The following NBEAL1 variants were observed in gnomAD, a reference collection of about 807,000 sequenced individuals.
NBEAL1 encodes neurobeachin-like protein 1.
Under a neutral mutation model 351.3 loss-of-function variants are expected in NBEAL1, and 273 were observed. The ratio of observed to expected loss-of-function variants is 0.78; its 90% CI spans 0.70 to 0.86. The LOEUF (loss-of-function observed/expected upper bound fraction) is 0.86, where lower values mean the gene tolerates loss of function less well. Among genes scored for constraint, NBEAL1 ranks in the 40% least tolerant of loss-of-function variants. The probability of loss-of-function intolerance (pLI) is 0.00; values close to 1 mark genes in which losing one functional copy is unlikely to be tolerated. For synonymous variants in NBEAL1, 1,050 were observed against 1,086.4 expected, an observed-to-expected ratio of 0.97 and a Z score of 0.66; for missense variants, 2,961 against 3,201.3, an observed-to-expected ratio of 0.92 and a Z score of 1.81.
Position 203,136,595 on chromosome 2 carries a change from A to T in NBEAL1, c.4390-4A>T. 6.3e-7 allele frequency: 1 copy of T among 1,596,978 alleles called. No homozygotes were observed. Among genetic ancestry groups the T allele is most frequent in the Non-Finnish European group, 8.6e-7 (1 of 1,168,314 alleles). ...TATTTAAAATTACTTTATATTTTCCATAGAGATGTGAGGAGGAGCTTCTTC... is the reference window on the plus strand; with the variant it reads ...TATTTAAAATTACTTTATATTTTCCTTAGAGATGTGAGGAGGAGCTTCTTC... On this transcript the variant is annotated splice_polypyrimidine_tract_variant and splice_region_variant and intron_variant, in intron 28 of 55. Transcript: ENST00000683969.
chr2:203,108,310 T>C, intron 14 of NBEAL1, 122 bp downstream of exon 14: 1 of 733,092 alleles, frequency 1.4e-6, no homozygotes, highest in Non-Finnish European at 2.2e-6. Context: ...CTAAAGTCTC[T>C]TCATCCTTAG....
intron 4 of NBEAL1, among the ~76,000 whole-genome samples, chr2:203,050,640 T>C (rs35733810): frequency 0.014 from 2,128 of 152,334 alleles, 20 homozygotes; most frequent in Non-Finnish European, 0.024. Context: ...ATCCTGTAGG[T>C]TATCATATTT....
At chr2:203,078,650 A>G (rs2061820459) in intron 8 of NBEAL1, among the ~76,000 whole-genome samples, 1 of 152,140 alleles carries the variant, frequency 6.6e-6, no homozygotes, top group Non-Finnish European at 1.5e-5. Flanking sequence ...CACTGTCATA[A>G]ACTTTGAATA....
intron 54 of NBEAL1, 120 bp downstream of exon 54, chr2:203,211,226 C>A: frequency 1.5e-6 from 1 of 682,186 alleles, no homozygotes; most frequent in East Asian, 3.3e-5. Flanking sequence ...ATAAAAGTTT[C>A]TCTTTTAGCA....
In NBEAL1 at chr2:203,136,605, G is replaced by A. The variant is rs1186428764; in HGVS notation, c.4396G>A (p.Glu1466Lys). The change falls in exon 29 of 56, where the codon GAG becomes AAG. Residue 1466 changes from glutamate (E) to lysine (K), a missense_variant. Transcript: ENST00000683969. ...FSLLESQERC[E>K]EELLQLLTHI... is the part of the protein sequence containing the mutation. ...TACTTTATATTTTCCATAGAGATGTGAGGAGGAGCTTCTTCAATTACTGAC... is the reference window on the plus strand; with the variant it reads ...TACTTTATATTTTCCATAGAGATGTAAGGAGGAGCTTCTTCAATTACTGAC... The A allele has an allele frequency of 5.6e-6, 9 of 1,607,206 alleles. No homozygotes were observed. The highest frequency in any genetic ancestry group is 6.8e-6 in the Non-Finnish European group (8 of 1,175,400).
At chr2:203,016,506 C>A (rs928552974) in intron 2 of NBEAL1, 71 bp downstream of exon 2, 3 of 960,696 alleles carry the variant, frequency 3.1e-6, no homozygotes, top group African/African-American at 3.3e-5. Flanking sequence ...GCAGTAGTAA[C>A]ACTTTATTTA....
chr2:203,165,704 G>A (rs533491082), intron 36 of NBEAL1, among the ~76,000 whole-genome samples: 1 of 152,212 alleles, frequency 6.6e-6, no homozygotes, highest in South Asian at 2.1e-4. Context: ...CTTCTTGAGG[G>A]TAATTCAGAT....
At chr2:203,193,740 G>A in intron 46 of NBEAL1, 55 bp from the exon 47 acceptor site, 2 of 1,202,902 alleles carry the variant, frequency 1.7e-6, no homozygotes, top group East Asian at 2.3e-5. Flanking sequence ...AAGGAACATA[G>A]TGAGAGATTA....
chr2:203,100,107 G>A (rs2062280783), intron 12 of NBEAL1, among the ~76,000 whole-genome samples: 1 of 152,172 alleles, frequency 6.6e-6, no homozygotes, highest in Admixed American at 6.5e-5. Flanking sequence ...TGGCTGTGTA[G>A]TATTCCATGG....
At chr2:203,060,120 G>C (rs1382611074) in intron 6 of NBEAL1, among the ~76,000 whole-genome samples, 2 of 152,144 alleles carry the variant, frequency 1.3e-5, no homozygotes, top group African/African-American at 4.8e-5. Context: ...GACAGATACA[G>C]AAAGAGGAAC....
At chr2:203,199,877 G>A (rs780079016) in intron 49 of NBEAL1, among the ~76,000 whole-genome samples, 1 of 151,744 alleles carries the variant, frequency 6.6e-6, no homozygotes, top group African/African-American at 2.4e-5. Flanking sequence ...ATTTATATTG[G>A]TTTAAATACA....
intron 7 of NBEAL1, among the ~76,000 whole-genome samples, chr2:203,072,022 G>C (rs1336548600): frequency 6.6e-6 from 1 of 152,182 alleles, no homozygotes; most frequent in Non-Finnish European, 1.5e-5. Flanking sequence ...TGAGGCACTA[G>C]GTAGGTCATC....
chr2:203,110,216 A>G lies in NBEAL1; in HGVS notation c.2016A>G (p.Ala672=). ...FITHSGMLVV[A]VCTKREYATV... ...CCCATTCAGGTATGTTGGTCGTGGC[A>G]GTGTGCACAAAAAGAGAATATGCAA... Residue 672 remains alanine (A), a synonymous_variant, in exon 15 of 56, where the codon GCA becomes GCG. Coordinates refer to ENST00000683969, the MANE Select transcript of NBEAL1 (RefSeq NM_001378026.1). The G allele has an allele frequency of 6.4e-7, 1 of 1,553,806 alleles. No homozygotes were observed.
Position 203,099,620 on chromosome 2 carries a change from C to T in NBEAL1, c.1186-9C>T. ...TGTTAATTTCTTGTTTCCCCTTCCC[C>T]CTCAATAGGTGTTTCAGGGACAATT... On this transcript the variant is annotated splice_polypyrimidine_tract_variant and intron_variant, in intron 11 of 55. Coordinates refer to ENST00000683969, the MANE Select transcript of NBEAL1 (RefSeq NM_001378026.1). 2 of 1,529,034 alleles carry T rather than the reference C, an allele frequency of 1.3e-6. No homozygotes were observed. Among genetic ancestry groups the T allele is most frequent in the Admixed American group, 2.1e-5 (1 of 47,324 alleles). 94.7% of individuals were successfully genotyped at this position (1,529,034 alleles called of 1,614,324 possible). A position where few individuals can be genotyped will look rare whatever the true frequency, so the allele number is the denominator to read the frequency against.
chr2:203,057,955 TGCCTTA>T (rs1574909570), intron 6 of NBEAL1, among the ~76,000 whole-genome samples: 2 of 151,946 alleles, frequency 1.3e-5, no homozygotes, highest in African/African-American at 4.8e-5. Flanking sequence ...GCAGTACTCC[TGCCTTA>T]GCCTACCGAG....
chr2:203,175,059 C>T, intron 41 of NBEAL1, 88 bp from the exon 42 acceptor site: 1 of 1,144,602 alleles, frequency 8.7e-7, no homozygotes, highest in South Asian at 1.5e-5. Flanking sequence ...TTTTTAAAAA[C>T]TGTATTTTCA....
intron 3 of NBEAL1, among the ~76,000 whole-genome samples, chr2:203,048,801 T>C (rs2061274379): frequency 6.6e-6 from 1 of 152,054 alleles, no homozygotes; most frequent in Non-Finnish European, 1.5e-5. Context: ...TAGTCTTACA[T>C]AGAAACCATT....
At chr2:203,114,834 C>A (rs1278256242) in intron 17 of NBEAL1, among the ~76,000 whole-genome samples, 3 of 134,826 alleles carry the variant, frequency 2.2e-5, no homozygotes, top group African/African-American at 7.6e-5. Context: ...TCACTATAAC[C>A]TCTGTCTCCT....
intron 6 of NBEAL1, among the ~76,000 whole-genome samples, chr2:203,065,828 C>T (rs1196033370): frequency 1.3e-5 from 2 of 152,040 alleles, no homozygotes; most frequent in Non-Finnish European, 2.9e-5. Context: ...AAGCGTTTTA[C>T]AGCCCTCTCA....
Sources: gnomAD v4.1 joint callset for allele counts (sites outside exome capture counted in the v4.1 genomes callset) on GRCh38, gnomAD v4.1.1 for gene constraint, MANE v1.5 for transcripts, NCBI Gene and HGNC (gene_info 2026-07-23, HGNC 2026-07-21) for gene names.